MYLK3: variants seen among roughly 807,000 people sequenced by gnomAD.
MYLK3 encodes MLC kinase.
A neutral mutation model predicts 76.3 loss-of-function variants in MYLK3; 55 were observed. That is an observed-to-expected ratio of 0.72 (90% CI 0.58 to 0.90). MYLK3 has a LOEUF of 0.90. Among genes scored for constraint, MYLK3 ranks in the 40% least tolerant of loss-of-function variants. The probability of loss-of-function intolerance (pLI) is 0.00; values close to 1 mark genes in which losing one functional copy is unlikely to be tolerated. For synonymous variants in MYLK3, 416 were observed against 425.4 expected, an observed-to-expected ratio of 0.98 and a Z score of 0.27; for missense variants, 973 against 1,053.6, an observed-to-expected ratio of 0.92 and a Z score of 1.06.
At position 46,729,032 on chromosome 16, in the gene MYLK3, G is replaced by T; in HGVS notation, c.1764C>A (p.Val588=). ...AFESKHSCTL[V]MEYVDGGELF... ...CCGCCTCTGATACTCACTACTCCATGACAAGGGTGCAGCTGTGCTTGCTCT... is the reference window on the plus strand; with the variant it reads ...CCGCCTCTGATACTCACTACTCCATTACAAGGGTGCAGCTGTGCTTGCTCT... The change falls in exon 7 of 13, where the codon GTC becomes GTA. Residue 588 remains valine, a synonymous_variant. Coordinates refer to ENST00000394809, the MANE Select transcript of MYLK3 (RefSeq NM_182493.3). 1 of 1,613,744 alleles carries T rather than the reference G, an allele frequency of 6.2e-7. No homozygotes were observed.
chr16:46,716,233 C>G (rs145648025), intron 9 of MYLK3, among the ~76,000 whole-genome samples: 2 of 152,224 alleles, frequency 1.3e-5, no homozygotes, highest in East Asian at 3.9e-4. Context: ...CCAGCAAATT[C>G]TTGCCCTTGA....
At chr16:46,763,158 C>A (rs1318679028) in exon 1 of MYLK3, 1 of 984,236 alleles carries the variant, frequency 1.0e-6, no homozygotes, top group Non-Finnish European at 1.2e-6. Context: ...AACCTGGAGG[C>A]AGTTAAGTGG....
intron 1 of MYLK3, among the ~76,000 whole-genome samples, chr16:46,747,000 G>A (rs986457337): frequency 4.6e-5 from 7 of 152,190 alleles, no homozygotes; most frequent in African/African-American, 9.7e-5. Flanking sequence ...CACTGCAGGG[G>A]TCTGAAATGG....
At chr16:46,755,906 C>CTTTTTTTTTTTTTTTTTT (rs772833701) in intron 1 of MYLK3, among the ~76,000 whole-genome samples, 4 of 109,766 alleles carry the variant, frequency 3.6e-5, no homozygotes, top group South Asian at 2.8e-4. Flanking sequence ...TTTTTTCTTT[C>CTTTTTTTTTTTTTTTTTT]TTTTTTTTTT....
intron 8 of MYLK3, among the ~76,000 whole-genome samples, chr16:46,722,330 C>T (rs766262663): frequency 1.3e-5 from 2 of 152,114 alleles, no homozygotes; most frequent in Non-Finnish European, 2.9e-5. Context: ...ATACGTAAAA[C>T]GGGAGTAATA....
In MYLK3 at chr16:46,732,663, G is replaced by C; in HGVS notation, c.1007C>G (p.Ser336Cys). 1 of 1,510,052 alleles carries C rather than the reference G, an allele frequency of 6.6e-7. No individual in the cohort carries two copies. The highest frequency in any genetic ancestry group is 8.8e-7 in the Non-Finnish European group (1 of 1,135,878). 93.5% of individuals were successfully genotyped at this position (1,510,052 alleles called of 1,614,324 possible). A position where few individuals can be genotyped will look rare whatever the true frequency, so the allele number is the denominator to read the frequency against. The change falls in exon 4 of 13, where the codon TCC (serine) becomes TGC (cysteine). Residue 336 changes from serine to cysteine, a missense_variant. By Grantham distance (112) the Ser-to-Cys change is moderately radical (BLOSUM62 -1). This residue lies in a region of MYLK3 where 641 missense variants were observed against 637.0 expected (regional missense o/e 1.01). Coordinates refer to ENST00000394809, the MANE Select transcript of MYLK3 (RefSeq NM_182493.3). ...HSGGETPPRI[S>C]IHIQEMDTPG... The stretch of plus-strand genomic sequence containing the variant: ...AGTATCCATCTCTTGTATGTGGATG[G>C]AGATCCTGGGGTGGAGAGAAACATG...
intron 1 of MYLK3, among the ~76,000 whole-genome samples, chr16:46,759,853 G>A (rs1044799339): frequency 6.6e-6 from 1 of 152,068 alleles, no homozygotes; most frequent in Non-Finnish European, 1.5e-5. Flanking sequence ...GGCTGGTCTC[G>A]AATCCCTGAC....
rs1472674435 is a variant in MYLK3, at chr16:46,703,239, AAACT to A, written c.*4461_*4464del. ...TGGCAAAATTCATTTAACTAAAACC[AAACT>A]AATAGGCATGTGTTGGTTGTTTTTA... On this transcript the variant is annotated 3_prime_UTR_variant, in exon 13 of 13. Transcript: ENST00000394809. 1.3e-5 allele frequency: 2 copies of A among 152,248 alleles called. No individual in the cohort carries two copies. The highest frequency in any genetic ancestry group is 6.5e-5 in the Admixed American group (1 of 15,282). The allele number at this position is 152,248 out of a possible 1,614,324, so 9.4% of individuals were successfully genotyped here. A position where few individuals can be genotyped will look rare whatever the true frequency, so the allele number is the denominator to read the frequency against.
chr16:46,725,475 C>T (rs991991042), intron 8 of MYLK3, among the ~76,000 whole-genome samples: 7 of 152,176 alleles, frequency 4.6e-5, no homozygotes, highest in African/African-American at 1.7e-4. Context: ...TTATTATTTT[C>T]ATCATGAAAA....
At chr16:46,743,148 G>C (rs1966962083) in intron 1 of MYLK3, among the ~76,000 whole-genome samples, 1 of 152,156 alleles carries the variant, frequency 6.6e-6, no homozygotes, top group Non-Finnish European at 1.5e-5. Context: ...CATATGCCTG[G>C]GGCTGTTTTC....
intron 12 of MYLK3, among the ~76,000 whole-genome samples, chr16:46,709,296 C>G (rs1294384782): frequency 6.6e-6 from 1 of 152,044 alleles, no homozygotes; most frequent in African/African-American, 2.4e-5. Flanking sequence ...GTGGTACATG[C>G]CTGTAGTCCC....
intron 7 of MYLK3, among the ~76,000 whole-genome samples, chr16:46,727,849 C>A (rs566761345): frequency 6.6e-6 from 1 of 152,212 alleles, no homozygotes; most frequent in South Asian, 2.1e-4. Context: ...TTTATTGGGA[C>A]CTTTGCTCCA....
chr16:46,743,287 G>A (rs1305063062), intron 1 of MYLK3, among the ~76,000 whole-genome samples: 1 of 152,156 alleles, frequency 6.6e-6, no homozygotes, highest in Non-Finnish European at 1.5e-5. Flanking sequence ...AAATTTAACC[G>A]CCAGTTGCTA....
intron 5 of MYLK3, chr16:46,729,897 C>T: frequency 1.7e-6 from 1 of 604,756 alleles, no homozygotes; most frequent in South Asian, 2.0e-5. Flanking sequence ...CATTCCACAT[C>T]CCAGGGAACA....
At chr16:46,711,210 G>C (rs947019037) in intron 10 of MYLK3, among the ~76,000 whole-genome samples, 1 of 152,286 alleles carries the variant, frequency 6.6e-6, no homozygotes, top group African/African-American at 2.4e-5. Flanking sequence ...GGCTTTATTA[G>C]GTTCCCGCCT....
intron 3 of MYLK3, among the ~76,000 whole-genome samples, chr16:46,736,823 C>T (rs1326121946): frequency 6.6e-6 from 1 of 152,162 alleles, no homozygotes; most frequent in Non-Finnish European, 1.5e-5. Context: ...GAGAGAAGCC[C>T]GGGGCCACAG....
intron 9 of MYLK3, among the ~76,000 whole-genome samples, chr16:46,713,978 A>T (rs539604518): frequency 3.6e-4 from 55 of 152,350 alleles, no homozygotes; most frequent in African/African-American, 1.3e-3. Flanking sequence ...CCACTGATGG[A>T]CACTAGGTGG....
rs1333988420 is a variant in MYLK3, at chr16:46,734,485, G to A, written c.1002-1817C>T. ...AAAAATTAGCTGAGTGTGGTGGCACGTGCTTGTAGTCCCAGCTACTTGGGA... is the reference window on the plus strand; with the variant it reads ...AAAAATTAGCTGAGTGTGGTGGCACATGCTTGTAGTCCCAGCTACTTGGGA... On this transcript the variant is annotated intron_variant, in intron 3 of 12. Coordinates refer to ENST00000394809, the MANE Select transcript of MYLK3 (RefSeq NM_182493.3). Among the ~76,000 whole-genome samples, 8 of 152,144 alleles carry A rather than the reference G, an allele frequency of 5.3e-5. No homozygotes were observed. In the East Asian group the frequency reaches 5.8e-4, roughly 11 times the overall value.
In MYLK3 at chr16:46,730,639, A is replaced by T. The variant is rs1449715209; in HGVS notation, c.1522T>A (p.Ser508Thr). Residue 508 changes from serine (S) to threonine (T), a missense_variant, in exon 5 of 13, where the codon TCC (serine) becomes ACC (threonine). By Grantham distance (58) the Ser-to-Thr change is moderately conservative. This residue lies in a region of MYLK3 where 332 missense variants were observed against 416.6 expected (regional missense o/e 0.80). Coordinates refer to ENST00000394809, the MANE Select transcript of MYLK3 (RefSeq NM_182493.3). ...CACACCTCGTAACCCGCAGAGATGGAGGTCTCCTTGACGCTCACTACCCGG... is the reference window on the plus strand; with the variant it reads ...CACACCTCGTAACCCGCAGAGATGGTGGTCTCCTTGACGCTCACTACCCGG... Reference protein sequence around the residue: ...EHRVVSVKETSISAGYEVCQH... With the variant: ...EHRVVSVKETTISAGYEVCQH... 1 of 1,613,982 alleles carries T rather than the reference A, an allele frequency of 6.2e-7. No homozygotes were observed. Among genetic ancestry groups the T allele is most frequent in the Admixed American group, 1.7e-5 (1 of 60,012 alleles).
Sources: allele counts gnomAD v4.1 joint callset (sites outside exome capture counted in the v4.1 genomes callset), GRCh38; gene constraint gnomAD v4.1.1; regional missense constraint gnomAD v4.1.1; transcripts MANE v1.5; gene names NCBI Gene and HGNC (gene_info 2026-07-23, HGNC 2026-07-21).